The following NEURL1 variants were observed in gnomAD, a reference collection of about 807,000 sequenced individuals.
NEURL1 encodes neuralized E3 ubiquitin protein ligase 1.
NEURL1 carries 26 observed loss-of-function variants against 41.2 expected under a neutral mutation model. The observed-to-expected ratio is 0.63, with a 90% CI of 0.46 to 0.87. The LOEUF is 0.87. NEURL1 is among the 40% of genes least tolerant of loss of function. The pLI is 0.00. For synonymous variants in NEURL1, 400 were observed against 402.3 expected (o/e 0.99, Z 0.07); for missense variants, 761 against 871.1 (o/e 0.87, Z 1.59).
At chr10:103,578,481 C>T (rs1204779709) in intron 3 of NEURL1, among the ~76,000 whole-genome samples, 1 of 152,196 alleles carries the variant, frequency 6.6e-6, no homozygotes, top group East Asian at 1.9e-4. Context: ...TTGGAGGCTG[C>T]AGAGAAGGCC....
intron 1 of NEURL1, among the ~76,000 whole-genome samples, chr10:103,531,462 A>G (rs979096080): frequency 6.6e-6 from 1 of 151,166 alleles, no homozygotes; most frequent in Non-Finnish European, 1.5e-5. Context: ...CTGGTCTTGA[A>G]CTCCTGGCCT....
At chr10:103,581,846 T>C (rs1000505574) in intron 3 of NEURL1, among the ~76,000 whole-genome samples, 1 of 152,166 alleles carries the variant, frequency 6.6e-6, no homozygotes, top group Non-Finnish European at 1.5e-5. Context: ...GATAGGCAGC[T>C]CAGGAGGTAG....
chr10:103,494,630 G>A, intron 1 of NEURL1, 158 bp downstream of exon 1: 1 of 633,868 alleles, frequency 1.6e-6, no homozygotes, highest in Non-Finnish European at 2.6e-6. Context: ...GAGGGCAGCC[G>A]GCGATGATGG....
At chr10:103,565,029 T>C (rs1033819637) in intron 1 of NEURL1, among the ~76,000 whole-genome samples, 7 of 152,060 alleles carry the variant, frequency 4.6e-5, no homozygotes, top group Non-Finnish European at 8.8e-5. Flanking sequence ...GCCCCAGCCC[T>C]GGTTTAGAAG....
intron 4 of NEURL1, among the ~76,000 whole-genome samples, chr10:103,587,096 G>C (rs1284779238): frequency 6.6e-6 from 1 of 152,022 alleles, no homozygotes; most frequent in African/African-American, 2.4e-5. Context: ...GAAAAATCAA[G>C]CAAGCAGGCA....
At chr10:103,504,185 G>A (rs927096164) in intron 1 of NEURL1, among the ~76,000 whole-genome samples, 1 of 151,960 alleles carries the variant, frequency 6.6e-6, no homozygotes, top group East Asian at 1.9e-4. Flanking sequence ...GAGAGCTGGG[G>A]TTTCACCATG....
chr10:103,585,136 C>T lies in NEURL1; in HGVS notation c.1250C>T (p.Ala417Val). Residue 417 changes from alanine to valine, a missense_variant, in exon 4 of 6, where the codon GCC (alanine) becomes GTC (valine). Ala to Val is a moderately conservative substitution (Grantham distance 64, BLOSUM62 0). Transcript: ENST00000369780. ...CTGCACCTCAGCCACAATGGCGCGG[C>T]CGCCGGCATGCAGCTGTGCGTGGAC... The part of the protein sequence containing the change: ...GELHLSHNGA[A>V]AGMQLCVDAS... 6.3e-7 allele frequency: 1 copy of T among 1,591,360 alleles called. No individual in the cohort carries two copies. Among genetic ancestry groups the T allele is most frequent in the Non-Finnish European group, 8.5e-7 (1 of 1,175,992 alleles).
chr10:103,538,133 C>T (rs1276387169), intron 1 of NEURL1, among the ~76,000 whole-genome samples: 2 of 152,028 alleles, frequency 1.3e-5, no homozygotes, highest in East Asian at 1.9e-4. Flanking sequence ...CTCTCTCTGT[C>T]GCCTAGGCTG....
chr10:103,538,739 C>A (rs1365909173), intron 1 of NEURL1, among the ~76,000 whole-genome samples: 1 of 149,822 alleles, frequency 6.7e-6, no homozygotes, highest in Non-Finnish European at 1.5e-5. Context: ...CTCCGCCTCC[C>A]GAGTTCAAGT....
At chr10:103,549,579 C>T (rs576479481) in intron 1 of NEURL1, among the ~76,000 whole-genome samples, 12 of 152,216 alleles carry the variant, frequency 7.9e-5, no homozygotes, top group Non-Finnish European at 1.6e-4. Context: ...AGGATGGGGC[C>T]CTGGCAGGAT....
In NEURL1 at chr10:103,590,174, A is replaced by G; in HGVS notation, c.1527A>G (p.Pro509=). Reference sequence around the variant, plus strand: ...CGCCAGTGAGCCTGCCCGAGTCGCCAGTGACCCCAGGTCTGGGCCAGTGGA... The same window carrying G: ...CGCCAGTGAGCCTGCCCGAGTCGCCGGTGACCCCAGGTCTGGGCCAGTGGA... The part of the protein sequence containing the change: ...PNSPVSLPES[P]VTPGLGQWSD... Residue 509 remains proline (P), a synonymous_variant, in exon 6 of 6, where the codon CCA becomes CCG. Transcript: ENST00000369780. 1 of 1,614,146 alleles carries G rather than the reference A, an allele frequency of 6.2e-7. No homozygotes were observed. The highest frequency in any genetic ancestry group is 8.5e-7 in the Non-Finnish European group (1 of 1,180,034).
intron 1 of NEURL1, among the ~76,000 whole-genome samples, chr10:103,536,473 G>A (rs113656264): frequency 9.2e-5 from 14 of 152,268 alleles, no homozygotes; most frequent in African/African-American, 3.1e-4. Flanking sequence ...GAACCCAGGA[G>A]GCAGAGGTTG....
At chr10:103,522,516 C>A (rs1246263575) in intron 1 of NEURL1, among the ~76,000 whole-genome samples, 4 of 149,156 alleles carry the variant, frequency 2.7e-5, no homozygotes, top group Non-Finnish European at 5.9e-5. Context: ...TCGGGAGAGT[C>A]ACTTGAACCC....
At chr10:103,541,923 T>C (rs923894187) in intron 1 of NEURL1, among the ~76,000 whole-genome samples, 1 of 152,158 alleles carries the variant, frequency 6.6e-6, no homozygotes, top group Non-Finnish European at 1.5e-5. Context: ...TCTAGACCAG[T>C]AGTGACATGG....
In NEURL1 at chr10:103,555,437, G is replaced by C. The variant is rs770230872; in HGVS notation, c.86-15435G>C. 7 of 1,352,312 alleles carry C rather than the reference G, an allele frequency of 5.2e-6. No homozygotes were observed. In the Admixed American group the frequency reaches 1.4e-4, roughly 26 times the overall value. 83.8% of individuals were successfully genotyped at this position (1,352,312 alleles called of 1,614,324 possible). A position where few individuals can be genotyped will look rare whatever the true frequency, so the allele number is the denominator to read the frequency against. ...CGGTAAGGCCCCGCGGATGCCTGCG[G>C]GCCCGCCCACCCCAGCCCGAGACCG... is the stretch of plus-strand genomic sequence containing the variant. On this transcript the variant is annotated intron_variant, in intron 1 of 5. Transcript: ENST00000369780.
chr10:103,582,004 CAG>C (rs2133883356), intron 3 of NEURL1, among the ~76,000 whole-genome samples: 1 of 152,256 alleles, frequency 6.6e-6, no homozygotes, highest in South Asian at 2.1e-4. Context: ...CCTGAAGGGG[CAG>C]AGAGACCAGG....
At chr10:103,568,096 G>C (rs540394342) in intron 1 of NEURL1, among the ~76,000 whole-genome samples, 14 of 152,310 alleles carry the variant, frequency 9.2e-5, no homozygotes, top group African/African-American at 3.4e-4. Flanking sequence ...AGGTGTACGT[G>C]TATGCCCGTG....
chr10:103,588,970 A>G (rs1364101947), intron 4 of NEURL1: 13 of 433,854 alleles, frequency 3.0e-5, no homozygotes, highest in Non-Finnish European at 3.6e-5. Context: ...AAGGAGAGGA[A>G]GTGAGTGACG....
chr10:103,569,802 G>A (rs1338234777), intron 1 of NEURL1, among the ~76,000 whole-genome samples: 1 of 152,200 alleles, frequency 6.6e-6, no homozygotes, highest in Non-Finnish European at 1.5e-5. Flanking sequence ...TGGCAGGCAG[G>A]AAGCTGCTCT....
Sources: gnomAD v4.1 joint callset for allele counts (sites outside exome capture counted in the v4.1 genomes callset) on GRCh38, gnomAD v4.1.1 for gene constraint, MANE v1.5 for transcripts, NCBI Gene and HGNC (gene_info 2026-07-23, HGNC 2026-07-21) for gene names.